Variants in FBXW7 observed in about 807,000 individuals in gnomAD.
The protein encoded by FBXW7 is F-box/WD repeat-containing protein 7.
In FBXW7, 11 loss-of-function variants were observed where a neutral mutation model predicts 86.3. The observed-to-expected ratio is 0.13, with a 90% confidence interval of 0.08 to 0.21. The LOEUF (loss-of-function observed/expected upper bound fraction) is 0.21, where lower values mean the gene tolerates loss of function less well. Ranked by LOEUF, FBXW7 falls within the 10% of genes least tolerant of loss-of-function variation. The probability of loss-of-function intolerance (pLI) is 1.00; values close to 1 mark genes in which losing one functional copy is unlikely to be tolerated. For synonymous variants in FBXW7, 313 were observed against 297.9 expected (o/e 1.05, Z -0.52); for missense variants, 488 against 847.4 (o/e 0.58, Z 5.27).
chr4:152,449,601 A>T (rs1465946376), intron 2 of FBXW7, among the ~76,000 whole-genome samples: 1 of 152,192 alleles, frequency 6.6e-6, no homozygotes, highest in Non-Finnish European at 1.5e-5. Context: ...CACAAGTAAA[A>T]AGCCATCAAA....
intron 4 of FBXW7, chr4:152,352,341 GA>G: frequency 9.7e-7 from 1 of 1,034,822 alleles, no homozygotes. Context: ...ATATAAAACA[GA>G]ATACCAGACA....
intron 2 of FBXW7, among the ~76,000 whole-genome samples, chr4:152,457,152 T>C (rs1432936842): frequency 6.6e-6 from 1 of 152,196 alleles, no homozygotes; most frequent in Non-Finnish European, 1.5e-5. Flanking sequence ...TATATGATTC[T>C]ACCTACATAA....
chr4:152,327,112 C>CAG (rs1373646994), intron 11 of FBXW7, among the ~76,000 whole-genome samples: 1 of 151,988 alleles, frequency 6.6e-6, no homozygotes, highest in Non-Finnish European at 1.5e-5. Flanking sequence ...AGAAATACCA[C>CAG]AGTTTCCATA....
intron 4 of FBXW7, among the ~76,000 whole-genome samples, chr4:152,408,671 T>C (rs1737651696): frequency 6.6e-6 from 1 of 152,166 alleles, no homozygotes; most frequent in East Asian, 1.9e-4. Flanking sequence ...AATCATCACA[T>C]GGCAGAGTCT....
intron 2 of FBXW7, among the ~76,000 whole-genome samples, chr4:152,515,742 A>G (rs1748422293): frequency 6.6e-6 from 1 of 151,672 alleles, no homozygotes; most frequent in South Asian, 2.1e-4. Flanking sequence ...TGGAAGAATA[A>G]CCACAACTCT....
At chr4:152,521,594 C>T (rs748153113) in intron 2 of FBXW7, among the ~76,000 whole-genome samples, 6 of 152,064 alleles carry the variant, frequency 3.9e-5, no homozygotes, top group Non-Finnish European at 7.4e-5. Flanking sequence ...AAAGTCAGTA[C>T]ATTCAAATTC....
chr4:152,347,884 C>T (rs1731421136), intron 5 of FBXW7, among the ~76,000 whole-genome samples: 1 of 151,938 alleles, frequency 6.6e-6, no homozygotes, highest in Non-Finnish European at 1.5e-5. Context: ...AACTATATTA[C>T]TAACGTATTA....
At chr4:152,354,964 T>C (rs1732229773) in intron 4 of FBXW7, among the ~76,000 whole-genome samples, 1 of 152,166 alleles carries the variant, frequency 6.6e-6, no homozygotes, top group Non-Finnish European at 1.5e-5. Context: ...TGTTTATAAG[T>C]ACTAATGAAG....
intron 2 of FBXW7, among the ~76,000 whole-genome samples, chr4:152,453,107 C>G (rs1314357425): frequency 6.6e-6 from 1 of 152,172 alleles, no homozygotes; most frequent in Non-Finnish European, 1.5e-5. Flanking sequence ...TCACTTGAAC[C>G]TGGGAGGCGG....
chr4:152,413,741 GATA>G (rs1178894902), intron 2 of FBXW7, among the ~76,000 whole-genome samples: 2 of 152,082 alleles, frequency 1.3e-5, no homozygotes, highest in African/African-American at 4.8e-5. Flanking sequence ...TTTTCTGGAG[GATA>G]ATGTTTAGAA....
intron 4 of FBXW7, among the ~76,000 whole-genome samples, chr4:152,398,466 A>G (rs957174508): frequency 3.9e-5 from 6 of 152,024 alleles, no homozygotes; most frequent in Non-Finnish European, 7.4e-5. Context: ...ATTACTATCC[A>G]TATTAGAATA....
chr4:152,397,273 A>C (rs1400976434), intron 4 of FBXW7, among the ~76,000 whole-genome samples: 2 of 152,032 alleles, frequency 1.3e-5, no homozygotes, highest in Non-Finnish European at 2.9e-5. Flanking sequence ...ATATCTAAGG[A>C]AGAAATTAAA....
chr4:152,405,197 A>G (rs1355075999), intron 4 of FBXW7, among the ~76,000 whole-genome samples: 2 of 152,000 alleles, frequency 1.3e-5, no homozygotes, highest in African/African-American at 4.8e-5. Flanking sequence ...AAACAAATTT[A>G]CCAAATTTCT....
intron 2 of FBXW7, among the ~76,000 whole-genome samples, chr4:152,483,010 TTTTAATCAG>T (rs1745017577): frequency 6.6e-6 from 1 of 152,164 alleles, no homozygotes; most frequent in African/African-American, 2.4e-5. Flanking sequence ...ATCTTATTCT[TTTTAATCAG>T]CTTGCTAATA....
At chr4:152,365,296 T>G (rs1733375342) in intron 4 of FBXW7, among the ~76,000 whole-genome samples, 1 of 151,998 alleles carries the variant, frequency 6.6e-6, no homozygotes, top group Non-Finnish European at 1.5e-5. Flanking sequence ...ATAAGAGTAA[T>G]GAAAAGCTAA....
intron 6 of FBXW7, among the ~76,000 whole-genome samples, chr4:152,338,633 T>G (rs1441522956): frequency 1.3e-5 from 2 of 151,998 alleles, no homozygotes; most frequent in Non-Finnish European, 2.9e-5. Context: ...AAATAAGAGT[T>G]CCTTTAAATG....
chr4:152,380,876 T>C (rs1579049118), intron 4 of FBXW7, among the ~76,000 whole-genome samples: 2 of 152,036 alleles, frequency 1.3e-5, no homozygotes, highest in East Asian at 1.9e-4. Flanking sequence ...AGATAATAAA[T>C]TAGTTTATTA....
intron 2 of FBXW7, among the ~76,000 whole-genome samples, chr4:152,463,937 T>C (rs1051821874): frequency 2.0e-5 from 3 of 152,156 alleles, no homozygotes; most frequent in Non-Finnish European, 4.4e-5. Flanking sequence ...TTAAGGTTTA[T>C]TACAGAAGAC....
chr4:152,350,493 T>C (rs1369346011), intron 4 of FBXW7, among the ~76,000 whole-genome samples: 1 of 151,760 alleles, frequency 6.6e-6, no homozygotes, highest in African/African-American at 2.4e-5. Flanking sequence ...TTAACGTGCC[T>C]TCCTCGTGAA....
Sources: gnomAD v4.1 joint callset for allele counts (sites outside exome capture counted in the v4.1 genomes callset) on GRCh38, gnomAD v4.1.1 for gene constraint, MANE v1.5 for transcripts, NCBI Gene and HGNC (gene_info 2026-07-23, HGNC 2026-07-21) for gene names.